Variants in ZSCAN30 observed in about 807,000 individuals in gnomAD.
ZSCAN30 encodes zinc finger and SCAN domain containing 30, also known as zinc finger and SCAN domain-containing protein 30.
Under a neutral mutation model 44.3 loss-of-function variants are expected in ZSCAN30, and 37 were observed. The ratio of observed to expected loss-of-function variants is 0.84; its 90% CI spans 0.64 to 1.10. The LOEUF is 1.10. Ranked by LOEUF, ZSCAN30 falls within the 50% of genes least tolerant of loss-of-function variation. The pLI is 0.00. For missense variants in ZSCAN30, 549 were observed against 582.6 expected (o/e 0.94, Z 0.59); for synonymous variants, 181 against 204.6 (o/e 0.88, Z 0.98).
At chr18:35,269,010 T>C (rs1375698754) in intron 1 of ZSCAN30, 1 of 152,146 alleles carries the variant, frequency 6.6e-6, no homozygotes, top group East Asian at 1.9e-4. Context: ...AGGAGGAAAG[T>C]GGAGGGTGAG....
At chr18:35,271,151 T>C (rs572112358) in intron 1 of ZSCAN30, among the ~76,000 whole-genome samples, 3 of 152,230 alleles carry the variant, frequency 2.0e-5, no homozygotes, top group Admixed American at 2.0e-4. Flanking sequence ...CCCTCCGCAC[T>C]GTGGAAAAGG....
intron 1 of ZSCAN30, chr18:35,284,525 A>C (rs991138816): frequency 1.9e-5 from 3 of 155,068 alleles, no homozygotes; most frequent in Admixed American, 1.3e-4. Context: ...GCAGCAGAGG[A>C]ATGGCCTGTC....
rs780029279 is a variant in ZSCAN30, at chr18:35,254,340, C to T, written c.595G>A (p.Glu199Lys). The stretch of plus-strand genomic sequence containing the variant: ...GCTGAGGCTACACATTCAACAATTT[C>T]TTGCTTTGCCATCAACACTTTGCCA... The part of the protein sequence containing the change: ...VAGKVLMAKQ[E>K]IVECVASAAM... The change falls in exon 4 of 4, where the codon GAA becomes AAA. Residue 199 changes from glutamate (E) to lysine (K), a missense_variant. Physicochemically the swap from Glu to Lys is moderately conservative, Grantham distance 56. Coordinates refer to ENST00000333206, the MANE Select transcript of ZSCAN30 (RefSeq NM_001112734.4). 1 of 1,613,872 alleles carries T rather than the reference C, an allele frequency of 6.2e-7. No individual in the cohort carries two copies. The highest frequency in any genetic ancestry group is 1.1e-5 in the South Asian group (1 of 91,084).
chr18:35,263,202 C>A, intron 3 of ZSCAN30: 1 of 356,268 alleles, frequency 2.8e-6, no homozygotes, highest in Non-Finnish European at 5.2e-6. Flanking sequence ...TGTGGTTGCA[C>A]CACTGCACTC....
At chr18:35,258,023 G>A (rs980715453) in intron 3 of ZSCAN30, 2 of 780,196 alleles carry the variant, frequency 2.6e-6, no homozygotes, top group African/African-American at 3.4e-5. Flanking sequence ...GGCTAGTGAA[G>A]CACCTACAAG....
At chr18:35,284,775 G>A (rs150601817) in intron 1 of ZSCAN30, 91 of 155,196 alleles carry the variant, frequency 5.9e-4, no homozygotes, top group Middle Eastern at 2.6e-3. Flanking sequence ...GGTGGGGGAT[G>A]CAGGAAGGGC....
rs61731888 is a variant in ZSCAN30, at chr18:35,253,802, A to C, written c.1133T>G (p.Ile378Ser). Residue 378 changes from isoleucine to serine, a missense_variant, in exon 4 of 4, where the codon ATC (isoleucine) becomes AGC (serine). Coordinates refer to ENST00000333206, the MANE Select transcript of ZSCAN30 (RefSeq NM_001112734.4). ...GSSELIRHRR[I>S]HTGEKPYECG... The stretch of plus-strand genomic sequence containing the variant: ...TTCATAAGGCTTCTCTCCAGTGTGG[A>C]TTCTCCGATGCCTGATGAGCTCTGA... 32,900 of 1,614,164 alleles carry C rather than the reference A, an allele frequency of 0.02. 420 individuals carry two copies. The highest frequency in any genetic ancestry group is 0.048 in the African/African-American group (3,623 of 75,022).
In ZSCAN30 at chr18:35,277,711, C is replaced by T. The variant is rs563764104; in HGVS notation, c.-104+12373G>A. 1.2e-4 allele frequency among the ~76,000 whole-genome samples: 19 copies of T among 152,232 alleles called. No individual in the cohort carries two copies. In the South Asian group the frequency reaches 2.9e-3, roughly 23 times the overall value. On this transcript the variant is annotated intron_variant, in intron 1 of 3. Coordinates refer to ENST00000333206, the MANE Select transcript of ZSCAN30 (RefSeq NM_001112734.4). ...CCAGTCTCAGGTATGTCTTTATTGG[C>T]AGCATGAGAACAGACTAATACAGTA... is the stretch of plus-strand genomic sequence containing the variant.
At position 35,263,642 on chromosome 18, in the gene ZSCAN30, G is replaced by A; in HGVS notation, c.424C>T (p.Gln142Ter). The change falls in exon 3 of 4, where the codon CAA (glutamine) becomes TAA (stop). Residue 142 changes from glutamine to a stop codon, truncating the protein, a stop_gained. Transcript: ENST00000333206. LOFTEE classifies it high-confidence loss of function. ...EPRQQDTTHG[Q>*]EMFWQEMTST... The stretch of plus-strand genomic sequence containing the variant: ...GTCATTTCCTGCCAGAACATTTCTT[G>A]GCCATGAGTTGTGTCCTAGGAGTAA... 6.2e-7 allele frequency: 1 copy of A among 1,614,096 alleles called. No individual in the cohort carries two copies. Among genetic ancestry groups the A allele is most frequent in the Admixed American group, 1.7e-5 (1 of 60,006 alleles).
intron 3 of ZSCAN30, chr18:35,261,393 G>A (rs765601785): frequency 6.6e-6 from 1 of 152,134 alleles, no homozygotes; most frequent in African/African-American, 2.4e-5. Context: ...TGTGAAGAAT[G>A]TCAATGGTAG....
intron 1 of ZSCAN30, chr18:35,266,692 G>C (rs1265717819): frequency 7.5e-5 from 8 of 106,140 alleles, no homozygotes; most frequent in Non-Finnish European, 1.4e-4. Context: ...TTTTGAGACA[G>C]AGTCCACTCT....
At chr18:35,273,048 G>C (rs973873608) in intron 1 of ZSCAN30, among the ~76,000 whole-genome samples, 1 of 152,218 alleles carries the variant, frequency 6.6e-6, no homozygotes, top group Non-Finnish European at 1.5e-5. Context: ...TTCAAGATGA[G>C]ATCTGGGTGG....
intron 3 of ZSCAN30, chr18:35,259,817 ATT>A (rs1362828289): frequency 2.1e-3 from 323 of 153,048 alleles, no homozygotes; most frequent in African/African-American, 7.6e-3. Flanking sequence ...TGATTTCGTC[ATT>A]TACCTGATTT....
At chr18:35,263,452 CGTGCCACA>C in intron 3 of ZSCAN30, 53 bp downstream of exon 3, 1 of 1,589,940 alleles carries the variant, frequency 6.3e-7, no homozygotes, top group Non-Finnish European at 8.6e-7. Flanking sequence ...GAAAATGAAC[CGTGCCACA>C]GTTGATAGCT....
Position 35,254,025 on chromosome 18 carries a change from A to T in ZSCAN30, c.910T>A (p.Phe304Ile). Residue 304 changes from phenylalanine to isoleucine, a missense_variant, in exon 4 of 4, where the codon TTT becomes ATT. By Grantham distance (21) the Phe-to-Ile change is conservative (BLOSUM62 0). Transcript: ENST00000333206. The part of the protein sequence containing the change: ...VDTREKLYEC[F>I]DCGKAFCQSS... ...TGGCAAAAGGCCTTCCCACAGTCAA[A>T]GCACTCATAGAGCTTTTCCCTAGTG... 1.2e-6 allele frequency: 2 copies of T among 1,614,194 alleles called. No homozygotes were observed. The highest frequency in any genetic ancestry group is 1.7e-6 in the Non-Finnish European group (2 of 1,180,016).
rs367645655 is a variant in ZSCAN30, at chr18:35,271,733, G to A, written c.-103-7278C>T. The stretch of plus-strand genomic sequence containing the variant: ...CACCCGCCGGGGAGGCTCCAGCTGC[G>A]TGGGAGCCCATTGCGGGGAGGGGGG... On this transcript the variant is annotated intron_variant, in intron 1 of 3. Coordinates refer to ENST00000333206, the MANE Select transcript of ZSCAN30 (RefSeq NM_001112734.4). 3.9e-5 allele frequency among the ~76,000 whole-genome samples: 6 copies of A among 152,358 alleles called. No individual in the cohort carries two copies. The South Asian group carries it at 8.3e-4, about 21-fold the overall frequency.
chr18:35,271,871 T>G (rs2044284868), intron 1 of ZSCAN30, among the ~76,000 whole-genome samples: 2 of 152,156 alleles, frequency 1.3e-5, no homozygotes, highest in Non-Finnish European at 2.9e-5. Flanking sequence ...CCGCGCCCCC[T>G]CCGCAGCTGC....
intron 1 of ZSCAN30, among the ~76,000 whole-genome samples, chr18:35,276,083 G>A (rs2044362005): frequency 6.6e-6 from 1 of 152,178 alleles, no homozygotes; most frequent in South Asian, 2.1e-4. Flanking sequence ...TTGAGAATAA[G>A]ACATACTGGT....
At position 35,280,148 on chromosome 18, in the gene ZSCAN30, C is replaced by A. The variant is rs59136341; in HGVS notation, c.-104+9936G>T. Among the ~76,000 whole-genome samples, 113 of 151,894 alleles carry A rather than the reference C, an allele frequency of 7.4e-4. 3 individuals are homozygous for A. The South Asian group carries it at 0.021, about 28-fold the overall frequency. ...AAAATTAGCCAGTCATGGTGGCATG[C>A]GCCTATATTCCCAGCCACTTAGAAG... is the stretch of plus-strand genomic sequence containing the variant. On this transcript the variant is annotated intron_variant, in intron 1 of 3. Coordinates refer to ENST00000333206, the MANE Select transcript of ZSCAN30 (RefSeq NM_001112734.4).
Sources: allele counts gnomAD v4.1 joint callset (sites outside exome capture counted in the v4.1 genomes callset), GRCh38; gene constraint gnomAD v4.1.1; transcripts MANE v1.5; gene names NCBI Gene and HGNC (gene_info 2026-07-23, HGNC 2026-07-21).